Variants in PSD2 observed in about 807,000 individuals in gnomAD.
PSD2 encodes pleckstrin and Sec7 domain containing 2.
In PSD2, 38 loss-of-function variants were observed where a neutral mutation model predicts 69.8. That is an observed-to-expected ratio of 0.54 (90% CI 0.42 to 0.71). The LOEUF is 0.71. PSD2 is among the 30% of genes least tolerant of loss of function. The pLI is 0.00. For missense variants in PSD2, 943 were observed against 1,014.5 expected, an observed-to-expected ratio of 0.93 and a Z score of 0.96; for synonymous variants, 412 against 423.0, an observed-to-expected ratio of 0.97 and a Z score of 0.32.
chr5:139,831,930 T>C (rs1356986650), intron 7 of PSD2, among the ~76,000 whole-genome samples: 1 of 152,182 alleles, frequency 6.6e-6, no homozygotes, highest in Non-Finnish European at 1.5e-5. Flanking sequence ...AACTCCAATC[T>C]CTTTTCTCCA....
chr5:139,834,468 T>G (rs76383976), intron 8 of PSD2, among the ~76,000 whole-genome samples: 1 of 137,368 alleles, frequency 7.3e-6, no homozygotes, highest in African/African-American at 2.7e-5. Flanking sequence ...TTTTTATGCT[T>G]TTTTTTTTTT....
Position 139,814,290 on chromosome 5 carries a change from T to C in PSD2, c.942T>C (p.Ala314=), listed in dbSNP as rs753915469. 6.2e-7 allele frequency: 1 copy of C among 1,613,694 alleles called. No homozygotes were observed. The highest frequency in any genetic ancestry group is 8.5e-7 in the Non-Finnish European group (1 of 1,179,794). Residue 314 remains alanine (A), a synonymous_variant, in exon 4 of 15, where the codon GCT becomes GCC. Transcript: ENST00000274710. This position sits in a 1 kb window ranked among gnomAD's most constrained non-coding sequence, Gnocchi z 4.4. ...GGTGCCAGGGGGTCAGTGAAGCTGCTCATCGGCTGGCACGCCGTCTCTACC... is the reference window on the plus strand; with the variant it reads ...GGTGCCAGGGGGTCAGTGAAGCTGCCCATCGGCTGGCACGCCGTCTCTACC... ...ANGCQGVSEA[A]HRLARRLYHL... is the part of the protein sequence containing the mutation.
At chr5:139,778,129 G>A in the PSD2 span, among the ~76,000 whole-genome samples, 1 of 152,262 alleles carries the variant, frequency 6.6e-6, no homozygotes. Context: ...GTCAGTCAAA[G>A]TTGTATGCCC....
the PSD2 span, among the ~76,000 whole-genome samples, chr5:139,770,683 G>A: frequency 1.3e-5 from 2 of 152,198 alleles, no homozygotes; most frequent in Non-Finnish European, 2.9e-5. Flanking sequence ...GATGAGCTAG[G>A]ACAGGGACAG....
the PSD2 span, among the ~76,000 whole-genome samples, chr5:139,765,145 C>T: frequency 6.6e-6 from 1 of 152,056 alleles, no homozygotes; most frequent in Non-Finnish European, 1.5e-5. Context: ...GGTTCCGTGA[C>T]CCTCCCACCC....
intron 7 of PSD2, among the ~76,000 whole-genome samples, chr5:139,830,521 T>TTCCTTCCTTCCTTCCTTCCTTC (rs1760547915): frequency 1.0e-5 from 1 of 96,980 alleles, no homozygotes; most frequent in Non-Finnish European, 2.0e-5. Context: ...CAGCTAATTT[T>TTCCTTCCTTCCTTCCTTCCTTC]CTTCCTTCCT....
upstream of PSD2, among the ~76,000 whole-genome samples, chr5:139,791,688 T>C (rs572484360): frequency 1.3e-5 from 2 of 151,992 alleles, no homozygotes; most frequent in South Asian, 4.2e-4. Flanking sequence ...CAACCTTGCA[T>C]CAGGACACAC....
the PSD2 span, among the ~76,000 whole-genome samples, chr5:139,778,176 GT>G: frequency 6.6e-5 from 10 of 152,380 alleles, no homozygotes; most frequent in East Asian, 1.9e-3. Context: ...AATAAGTGTG[GT>G]TCCCAAGGGA....
chr5:139,756,883 T>G, the PSD2 span, among the ~76,000 whole-genome samples: 1 of 152,114 alleles, frequency 6.6e-6, no homozygotes, highest in Non-Finnish European at 1.5e-5. Context: ...GTGATGAAGG[T>G]GATAAAACAA....
chr5:139,766,920 C>CTTTCTCT, the PSD2 span, among the ~76,000 whole-genome samples: 1 of 30,920 alleles, frequency 3.2e-5, no homozygotes, highest in African/African-American at 9.3e-5. Context: ...TTCCTTCCTT[C>CTTTCTCT]CTTCCTTCCC....
At chr5:139,801,110 CAGG>C (rs1759661460) in intron 1 of PSD2, among the ~76,000 whole-genome samples, 1 of 151,300 alleles carries the variant, frequency 6.6e-6, no homozygotes, top group African/African-American at 2.4e-5. Context: ...GAGGCTGAGG[CAGG>C]AGAATTGCTT....
the PSD2 span, among the ~76,000 whole-genome samples, chr5:139,760,786 G>T: frequency 1.9e-4 from 29 of 152,174 alleles, no homozygotes; most frequent in African/African-American, 6.8e-4. Flanking sequence ...AGGGGGAATG[G>T]CTCTCCCAAA....
chr5:139,743,007 T>C, the PSD2 span, among the ~76,000 whole-genome samples: 3 of 152,252 alleles, frequency 2.0e-5, no homozygotes, highest in Non-Finnish European at 2.9e-5. Flanking sequence ...TTGGAGTCTG[T>C]GGCCCTGTGG....
At position 139,836,438 on chromosome 5, in the gene PSD2, C is replaced by G. The variant is rs146844468; in HGVS notation, c.1404-373C>G. On this transcript the variant is annotated intron_variant, in intron 9 of 14. Transcript: ENST00000274710. ...TGCTGGCCTCCCGCTGCCAGCATGT[C>G]GGTGGGGTTTGTGCAGCAGCTTCAG... Among the ~76,000 whole-genome samples, 4 of 152,276 alleles carry G rather than the reference C, an allele frequency of 2.6e-5. No individual in the cohort carries two copies. In the East Asian group the frequency reaches 7.7e-4, roughly 29 times the overall value.
At chr5:139,807,316 G>T (rs910448494) in intron 1 of PSD2, among the ~76,000 whole-genome samples, 1 of 152,202 alleles carries the variant, frequency 6.6e-6, no homozygotes, top group Non-Finnish European at 1.5e-5. Flanking sequence ...CAGGCAGCAG[G>T]CCAAAAGCCC....
rs1330458282 is a variant in PSD2, at chr5:139,838,714, G to T, written c.1910G>T (p.Ser637Ile). The T allele has an allele frequency of 1.9e-6, 3 of 1,613,952 alleles. No homozygotes were observed. The highest frequency in any genetic ancestry group is 2.5e-6 in the Non-Finnish European group (3 of 1,179,946). ...FSAPAFPAAV[S>I]SMKKFCRPLL... ...GCCCCGGCCTTCCCAGCCGCTGTCA[G>T]CTCCATGAAGAAGTTCTGTCGGCCC... The change falls in exon 13 of 15, where the codon AGC (serine) becomes ATC (isoleucine). Residue 637 changes from serine to isoleucine, a missense_variant. This residue lies in a region of PSD2 where 312 missense variants were observed against 400.7 expected (regional missense o/e 0.78). Coordinates refer to ENST00000274710, the MANE Select transcript of PSD2 (RefSeq NM_032289.4).
chr5:139,744,123 T>C, the PSD2 span, among the ~76,000 whole-genome samples: 1 of 152,170 alleles, frequency 6.6e-6, no homozygotes, highest in Non-Finnish European at 1.5e-5. Context: ...CTGGCCTGTC[T>C]GGAGGCTGGG....
chr5:139,802,046 A>G (rs1371815997), intron 1 of PSD2, among the ~76,000 whole-genome samples: 4 of 152,102 alleles, frequency 2.6e-5, no homozygotes, highest in Admixed American at 2.6e-4. Context: ...TTGTATTTTC[A>G]TCAAGGAGGC....
chr5:139,791,518 G>A (rs1158294477), upstream of PSD2, among the ~76,000 whole-genome samples: 1 of 152,080 alleles, frequency 6.6e-6, no homozygotes, highest in Admixed American at 6.5e-5. Flanking sequence ...ACATGATAAA[G>A]GGCATTTATG....
Sources: gnomAD v4.1 joint callset for allele counts (sites outside exome capture counted in the v4.1 genomes callset) on GRCh38, gnomAD v4.1.1 for gene constraint, gnomAD v4.1.1 regional missense constraint, Gnocchi (gnomAD v3.1) non-coding constraint, MANE v1.5 for transcripts, NCBI Gene and HGNC (gene_info 2026-07-23, HGNC 2026-07-21) for gene names.